The following NCAPH variants were observed in gnomAD, a reference collection of about 807,000 sequenced individuals.
NCAPH encodes non-SMC condensin I complex subunit H.
A neutral mutation model predicts 85.5 loss-of-function variants in NCAPH; 38 were observed. The ratio of observed to expected loss-of-function variants is 0.44; its 90% CI spans 0.34 to 0.58. The LOEUF (loss-of-function observed/expected upper bound fraction) is 0.58. Among genes scored for constraint, NCAPH ranks in the 20% least tolerant of loss-of-function variants. NCAPH has a pLI of 0.01. For synonymous variants in NCAPH, 301 were observed against 335.1 expected (o/e 0.90, Z 1.11); for missense variants, 789 against 916.6 (o/e 0.86, Z 1.80).
intron 1 of NCAPH, among the ~76,000 whole-genome samples, chr2:96,340,643 G>A (rs1170034526): frequency 1.3e-5 from 2 of 151,950 alleles, no homozygotes; most frequent in Non-Finnish European, 1.5e-5. Flanking sequence ...ACCCACCTCG[G>A]CCTCCCAAAG....
chr2:96,361,828 A>T (rs867609598), intron 12 of NCAPH, among the ~76,000 whole-genome samples: 1,884 of 107,880 alleles, frequency 0.017, 31 homozygotes, highest in African/African-American at 0.035. Context: ...ATATATATAT[A>T]TTTTTTTTTT....
Position 96,359,060 on chromosome 2 carries a change from C to T in NCAPH, c.1224C>T (p.Ser408=). ...QVQSCQEEMI[S]LGDGDIRTMC... ...TGTGTTACAGGGAAGAAATGATTTC[C>T]CTTGGGGATGGAGACATCAGGACCA... The change falls in exon 10 of 18, where the codon TCC becomes TCT. Residue 408 remains serine, a synonymous_variant. Transcript: ENST00000240423. 6.2e-7 allele frequency: 1 copy of T among 1,613,826 alleles called. No individual in the cohort carries two copies. Among genetic ancestry groups the T allele is most frequent in the Non-Finnish European group, 8.5e-7 (1 of 1,179,910 alleles).
intron 7 of NCAPH, among the ~76,000 whole-genome samples, chr2:96,352,433 C>T (rs1037657623): frequency 6.6e-6 from 1 of 152,118 alleles, no homozygotes; most frequent in Admixed American, 6.5e-5. Flanking sequence ...GAGAAGAGAG[C>T]GTTGTGAATT....
At chr2:96,360,847 A>C (rs1176395150) in intron 12 of NCAPH, 137 bp downstream of exon 12, 1 of 1,117,808 alleles carries the variant, frequency 8.9e-7, no homozygotes, top group Non-Finnish European at 1.3e-6. Context: ...CCAGGAAATC[A>C]AATAGATAAG....
At position 96,365,703 on chromosome 2, in the gene NCAPH, T is replaced by A. The variant is rs974648830; in HGVS notation, c.1699-173T>A. The stretch of plus-strand genomic sequence containing the variant: ...GATAACAGACACCTCTCTAATAGGG[T>A]TTACGTGAAACAGGATGATAACTAG... On this transcript the variant is annotated intron_variant, in intron 13 of 17. Transcript: ENST00000240423. Among the ~76,000 whole-genome samples the A allele has an allele frequency of 2.0e-5, 3 of 152,104 alleles. No individual in the cohort carries two copies. The East Asian group carries it at 5.8e-4, about 29-fold the overall frequency.
intron 5 of NCAPH, among the ~76,000 whole-genome samples, chr2:96,343,804 G>T (rs1205637082): frequency 2.0e-5 from 3 of 151,570 alleles, no homozygotes; most frequent in African/African-American, 7.3e-5. Flanking sequence ...AAGTTCAAGT[G>T]ATCCTCCTGC....
chr2:96,368,198 G>A (rs2064725389), intron 15 of NCAPH, among the ~76,000 whole-genome samples: 1 of 152,208 alleles, frequency 6.6e-6, no homozygotes, highest in Non-Finnish European at 1.5e-5. Context: ...AGGGCCCTGA[G>A]CTGGGTATCA....
rs542305511 is a variant in NCAPH, at chr2:96,373,697, A to G, written c.*346A>G. On this transcript the variant is annotated 3_prime_UTR_variant, in exon 18 of 18. Transcript: ENST00000240423. Reference sequence around the variant, plus strand: ...AAATTGATCTGTTATTTTCCAAACTATTCTCTTGTAGAAAATTTTCCAGTG... The same window carrying G: ...AAATTGATCTGTTATTTTCCAAACTGTTCTCTTGTAGAAAATTTTCCAGTG... The G allele has an allele frequency of 1.1e-5, 2 of 177,116 alleles. No individual in the cohort carries two copies. The highest frequency in any genetic ancestry group is 4.7e-5 in the African/African-American group (2 of 42,566). The allele number at this position is 177,116 out of a possible 1,614,324, so 11.0% of individuals were successfully genotyped here.
chr2:96,373,977 G>C lies in NCAPH; in HGVS notation c.*626G>C, dbSNP rs2064805627. 1 of 152,284 alleles carries C rather than the reference G, an allele frequency of 6.6e-6. No homozygotes were observed. Among genetic ancestry groups the C allele is most frequent in the Non-Finnish European group, 1.5e-5 (1 of 68,082 alleles). The allele number at this position is 152,284 out of a possible 1,614,324, so 9.4% of individuals were successfully genotyped here. A position where few individuals can be genotyped will look rare whatever the true frequency, so the allele number is the denominator to read the frequency against. ...CTAAGGGCCAAGATGGTTTGCCTCG[G>C]AGGAGAATGGAAGAGAGAGATTGCT... On this transcript the variant is annotated 3_prime_UTR_variant, in exon 18 of 18. Coordinates refer to ENST00000240423, the MANE Select transcript of NCAPH (RefSeq NM_015341.5).
intron 1 of NCAPH, among the ~76,000 whole-genome samples, chr2:96,338,793 C>T (rs1002138010): frequency 6.6e-5 from 10 of 152,164 alleles, no homozygotes; most frequent in African/African-American, 1.2e-4. Flanking sequence ...AACACATAAA[C>T]GTGTGGGGGT....
At position 96,341,731 on chromosome 2, in the gene NCAPH, C is replaced by T; in HGVS notation, c.109C>T (p.Pro37Ser). 1 of 1,614,208 alleles carries T rather than the reference C, an allele frequency of 6.2e-7. No homozygotes were observed. Among genetic ancestry groups the T allele is most frequent in the Non-Finnish European group, 8.5e-7 (1 of 1,180,042 alleles). Reference sequence around the variant, plus strand: ...TCCTTCAGAGCGTGTGTTCCCGATGCCCCTGCCCAGGAAGGCGCCTCTCAA... The same window carrying T: ...TCCTTCAGAGCGTGTGTTCCCGATGTCCCTGCCCAGGAAGGCGCCTCTCAA... Reference protein sequence around the residue: ...SSPSERVFPMPLPRKAPLNIP... With the variant: ...SSPSERVFPMSLPRKAPLNIP... Residue 37 changes from proline (P) to serine (S), a missense_variant, in exon 2 of 18, where the codon CCC becomes TCC. Coordinates refer to ENST00000240423, the MANE Select transcript of NCAPH (RefSeq NM_015341.5).
Position 96,335,820 on chromosome 2 carries a change from C to G in NCAPH, c.-10C>G, listed in dbSNP as rs1298338480. 17 of 1,496,404 alleles carry G rather than the reference C, an allele frequency of 1.1e-5. No individual in the cohort carries two copies. Among genetic ancestry groups the G allele is most frequent in the Non-Finnish European group, 1.4e-5 (16 of 1,125,992 alleles). 92.7% of individuals were successfully genotyped at this position (1,496,404 alleles called of 1,614,324 possible). ...CGATTTAAAACCAGCTCAGGAGACG[C>G]CAAGGAAAGATGGGACCTCCCGGCC... On this transcript the variant is annotated 5_prime_UTR_variant, in exon 1 of 18. Coordinates refer to ENST00000240423, the MANE Select transcript of NCAPH (RefSeq NM_015341.5).
chr2:96,355,077 G>A (rs895515692), intron 9 of NCAPH, among the ~76,000 whole-genome samples: 1 of 152,100 alleles, frequency 6.6e-6, no homozygotes, highest in Non-Finnish European at 1.5e-5. Flanking sequence ...CCAATAAATT[G>A]AGAATATTTG....
intron 6 of NCAPH, among the ~76,000 whole-genome samples, chr2:96,349,387 C>CT (rs987765046): frequency 6.0e-4 from 86 of 144,050 alleles, no homozygotes; most frequent in East Asian, 1.2e-3. Flanking sequence ...ATTTTCTTTT[C>CT]TTTTTTTTTT....
Position 96,360,621 on chromosome 2 carries a change from A to G in NCAPH, c.1498A>G (p.Asn500Asp). 1.2e-6 allele frequency: 2 copies of G among 1,614,108 alleles called. No individual in the cohort carries two copies. Among genetic ancestry groups the G allele is most frequent in the Non-Finnish European group, 1.7e-6 (2 of 1,179,978 alleles). The change falls in exon 12 of 18, where the codon AAC becomes GAC. Residue 500 changes from asparagine (N) to aspartate (D), a missense_variant. Coordinates refer to ENST00000240423, the MANE Select transcript of NCAPH (RefSeq NM_015341.5). ...TATTCTGACCAAGTCCACTTTGGAG[A>G]ACCAGAATTGGAGAGCTACCACCCT... is the stretch of plus-strand genomic sequence containing the variant. ...ATILTKSTLE[N>D]QNWRATTLPT...
intron 17 of NCAPH, 93 bp from the exon 18 acceptor site, chr2:96,373,199 C>A: frequency 9.6e-7 from 1 of 1,040,694 alleles, no homozygotes; most frequent in Non-Finnish European, 1.4e-6. Flanking sequence ...AAACTTTCTT[C>A]TTTGTAGTCA....
Position 96,364,523 on chromosome 2 carries a change from T to C in NCAPH, c.1630T>C (p.Tyr544His). The change falls in exon 13 of 18, where the codon TAT (tyrosine) becomes CAT (histidine). Residue 544 changes from tyrosine to histidine, a missense_variant. By Grantham distance (83) the Tyr-to-His change is moderately conservative. Transcript: ENST00000240423. The part of the protein sequence containing the change: ...AQGHRVETEH[Y>H]EEIEDYDYNN... Reference sequence around the variant, plus strand: ...GGGCCATAGGGTAGAGACTGAGCATTATGAAGAAATTGAAGACTATGATTA... The same window carrying C: ...GGGCCATAGGGTAGAGACTGAGCATCATGAAGAAATTGAAGACTATGATTA... 6.2e-7 allele frequency: 1 copy of C among 1,613,742 alleles called. No individual in the cohort carries two copies. The highest frequency in any genetic ancestry group is 8.5e-7 in the Non-Finnish European group (1 of 1,179,638).
chr2:96,352,143 T>C (rs2064453032), intron 7 of NCAPH, 123 bp downstream of exon 7: 1 of 1,002,498 alleles, frequency 1.0e-6, no homozygotes, highest in Non-Finnish European at 1.5e-6. Context: ...AAGTTTCCTC[T>C]GGAATGCCAA....
intron 10 of NCAPH, 34 bp downstream of exon 10, chr2:96,359,227 A>G: frequency 1.9e-6 from 3 of 1,611,604 alleles, no homozygotes; most frequent in Non-Finnish European, 2.5e-6. Context: ...TAAGAAAAGA[A>G]GTAGTGTAGA....
Sources: allele counts gnomAD v4.1 joint callset (sites outside exome capture counted in the v4.1 genomes callset), GRCh38; gene constraint gnomAD v4.1.1; transcripts MANE v1.5; gene names NCBI Gene and HGNC (gene_info 2026-07-23, HGNC 2026-07-21).